Variants in FKBP9 observed in about 807,000 individuals in gnomAD.
FKBP9 encodes the protein peptidyl-prolyl cis-trans isomerase FKBP9.
A neutral mutation model predicts 55.6 loss-of-function variants in FKBP9; 27 were observed. The ratio of observed to expected loss-of-function variants is 0.49; its 90% CI spans 0.36 to 0.67. FKBP9 has a LOEUF of 0.67. Ranked by LOEUF, FKBP9 falls within the 30% of genes least tolerant of loss-of-function variation. FKBP9 has a pLI of 0.00. For synonymous variants in FKBP9, 267 were observed against 296.5 expected (o/e 0.90, Z 1.02); for missense variants, 539 against 742.8 (o/e 0.73, Z 3.19).
In FKBP9 at chr7:33,002,791, C is replaced by T. The variant is rs2953607; in HGVS notation, c.1488C>T (p.Leu496=). The change falls in exon 9 of 10, where the codon CTC becomes CTT. Residue 496 remains leucine, a synonymous_variant. Transcript: ENST00000242209. ...GGAATGGTGAGGTGTCACCCAACCTCTTTGAAGAAATTGACAAGGATGGCA... is the reference window on the plus strand; with the variant it reads ...GGAATGGTGAGGTGTCACCCAACCTTTTTGAAGAAATTGACAAGGATGGCA... ...FIWNGEVSPN[L]FEEIDKDGNG... 2.5e-6 allele frequency: 4 copies of T among 1,614,188 alleles called. No homozygotes were observed. The East Asian group carries it at 6.7e-5, about 27-fold the overall frequency.
chr7:33,005,396 C>T lies in FKBP9; in HGVS notation c.*45C>T. 1.2e-6 allele frequency: 2 copies of T among 1,604,724 alleles called. No individual in the cohort carries two copies. The highest frequency in any genetic ancestry group is 8.5e-7 in the Non-Finnish European group (1 of 1,173,552). Reference sequence around the variant, plus strand: ...GTGCCAGGGAGTACGTGACACCAAGCCACCTGTGTGGCAAGACGTGCAGTG... The same window carrying T: ...GTGCCAGGGAGTACGTGACACCAAGTCACCTGTGTGGCAAGACGTGCAGTG... On this transcript the variant is annotated 3_prime_UTR_variant, in exon 10 of 10. Transcript: ENST00000242209.
At chr7:32,972,909 A>G (rs1411079214) in intron 1 of FKBP9, among the ~76,000 whole-genome samples, 4 of 152,082 alleles carry the variant, frequency 2.6e-5, no homozygotes, top group Non-Finnish European at 5.9e-5. Context: ...TTTAGTAGAG[A>G]TGGGGTTTCA....
chr7:32,964,630 C>T (rs1295612942), intron 1 of FKBP9, among the ~76,000 whole-genome samples: 1 of 152,186 alleles, frequency 6.6e-6, no homozygotes, highest in African/African-American at 2.4e-5. Flanking sequence ...TCCTCCTCTG[C>T]AGCGTTCTCA....
At position 32,991,463 on chromosome 7, in the gene FKBP9, G is replaced by T. The variant is rs1432202740; in HGVS notation, c.1039+2811G>T. Among the ~76,000 whole-genome samples the T allele has an allele frequency of 2.0e-5, 3 of 152,200 alleles. No homozygotes were observed. The East Asian group carries it at 5.8e-4, about 29-fold the overall frequency. Reference sequence around the variant, plus strand: ...ATAGGAGCTCGTGCTGATCCCTGAGGGGCTGACCCGAGAGGGGTCAGGATG... The same window carrying T: ...ATAGGAGCTCGTGCTGATCCCTGAGTGGCTGACCCGAGAGGGGTCAGGATG... On this transcript the variant is annotated intron_variant, in intron 6 of 9. Transcript: ENST00000242209.
At chr7:32,960,262 C>T (rs1273297256) in intron 1 of FKBP9, among the ~76,000 whole-genome samples, 4 of 151,870 alleles carry the variant, frequency 2.6e-5, no homozygotes, top group Admixed American at 1.3e-4. Flanking sequence ...TTACAGGTGC[C>T]TGCCACCACG....
chr7:32,970,780 T>A (rs1010380064), intron 1 of FKBP9, among the ~76,000 whole-genome samples: 24 of 152,218 alleles, frequency 1.6e-4, no homozygotes, highest in African/African-American at 4.8e-4. Context: ...CAGCTTTTTT[T>A]ATGGACTCTT....
intron 6 of FKBP9, among the ~76,000 whole-genome samples, chr7:32,990,002 T>C (rs1784650668): frequency 6.6e-6 from 1 of 152,100 alleles, no homozygotes; most frequent in African/African-American, 2.4e-5. Flanking sequence ...GCAATTTTTT[T>C]TTTTTTGTAA....
chr7:32,960,514 C>G (rs992842370), intron 1 of FKBP9, among the ~76,000 whole-genome samples: 21 of 152,170 alleles, frequency 1.4e-4, no homozygotes, highest in African/African-American at 4.8e-4. Flanking sequence ...GCATCATATG[C>G]GTATTGACCA....
intron 9 of FKBP9, among the ~76,000 whole-genome samples, chr7:33,004,716 T>C (rs148784150): frequency 0.032 from 4,903 of 152,326 alleles, 131 homozygotes; most frequent in South Asian, 0.12. Flanking sequence ...ATTGTCTGTT[T>C]CCACTAGAAT....
chr7:32,963,644 G>T (rs1784072279), intron 1 of FKBP9: 13 of 1,465,908 alleles, frequency 8.9e-6, no homozygotes, highest in Non-Finnish European at 1.2e-5. Context: ...GCAGAAAGGA[G>T]TGGGAATTTA....
At chr7:32,997,614 G>A (rs1235968376) in intron 7 of FKBP9, among the ~76,000 whole-genome samples, 1 of 152,220 alleles carries the variant, frequency 6.6e-6, no homozygotes, top group Admixed American at 6.5e-5. Context: ...CAGATCACGA[G>A]GTCAAGAGAT....
At chr7:32,961,644 C>T (rs2127975559) in intron 1 of FKBP9, among the ~76,000 whole-genome samples, 1 of 152,268 alleles carries the variant, frequency 6.6e-6, no homozygotes, top group Non-Finnish European at 1.5e-5. Context: ...CGGAGGTGAG[C>T]AGCAGGTGAG....
Position 33,005,315 on chromosome 7 carries a change from A to C in FKBP9, c.1677A>C (p.Lys559Asn). The C allele has an allele frequency of 6.2e-7, 1 of 1,614,118 alleles. No individual in the cohort carries two copies. The change falls in exon 10 of 10, where the codon AAA becomes AAC. Residue 559 changes from lysine to asparagine, a missense_variant. Coordinates refer to ENST00000242209, the MANE Select transcript of FKBP9 (RefSeq NM_007270.5). Reference sequence around the variant, plus strand: ...GGAAGGTCACAGCCGAGGAATTTAAACTCAAAGACCAGGAAGCCAAACACG... The same window carrying C: ...GGAAGGTCACAGCCGAGGAATTTAACCTCAAAGACCAGGAAGCCAAACACG... The part of the protein sequence containing the change: ...GDGKVTAEEF[K>N]LKDQEAKHDE...
At chr7:32,969,648 A>G (rs1017672874) in intron 1 of FKBP9, among the ~76,000 whole-genome samples, 5 of 152,118 alleles carry the variant, frequency 3.3e-5, no homozygotes, top group African/African-American at 1.2e-4. Context: ...CAAAATCAGG[A>G]AGTGTGAAGC....
At chr7:32,985,029 C>CT (rs962099204) in intron 5 of FKBP9, among the ~76,000 whole-genome samples, 7 of 151,732 alleles carry the variant, frequency 4.6e-5, no homozygotes, top group Admixed American at 1.3e-4. Flanking sequence ...TAAAAAATAG[C>CT]TTTTTTTTCT....
intron 1 of FKBP9, among the ~76,000 whole-genome samples, chr7:32,972,471 A>G (rs905492558): frequency 3.9e-5 from 6 of 152,130 alleles, no homozygotes; most frequent in African/African-American, 9.7e-5. Context: ...AAGTGAAAAT[A>G]TGTTGCAAAA....
intron 4 of FKBP9, among the ~76,000 whole-genome samples, chr7:32,979,303 C>A (rs1320281023): frequency 1.3e-5 from 2 of 152,150 alleles, no homozygotes; most frequent in Non-Finnish European, 2.9e-5. Context: ...ATTTAAACCC[C>A]ATGGTTACTT....
intron 1 of FKBP9, among the ~76,000 whole-genome samples, chr7:32,961,863 G>GCA (rs1784031807): frequency 1.3e-5 from 2 of 152,030 alleles, no homozygotes; most frequent in South Asian, 2.1e-4. Context: ...ACCCCTAGAT[G>GCA]GGACCATCTA....
At position 32,988,534 on chromosome 7, in the gene FKBP9, G is replaced by A. The variant is rs138779515; in HGVS notation, c.921G>A (p.Thr307=). 42 of 1,613,806 alleles carry A rather than the reference G, an allele frequency of 2.6e-5. No individual in the cohort carries two copies. In the African/African-American group the frequency reaches 2.7e-4, roughly 10 times the overall value. The change falls in exon 6 of 10, where the codon ACG becomes ACA. Residue 307 remains threonine (T), a synonymous_variant. Transcript: ENST00000242209. ...SSYSRNRTFD[T]YIGQGYVIPG... The stretch of plus-strand genomic sequence containing the variant: ...ACTCTCGGAACCGCACGTTTGACAC[G>A]TACATTGGGCAGGGCTACGTGATTC...
Sources: gnomAD v4.1 joint callset for allele counts (sites outside exome capture counted in the v4.1 genomes callset) on GRCh38, gnomAD v4.1.1 for gene constraint, MANE v1.5 for transcripts, NCBI Gene and HGNC (gene_info 2026-07-23, HGNC 2026-07-21) for gene names.